Variants in USP25 observed in about 807,000 individuals in gnomAD.
USP25 encodes ubiquitin carboxyl-terminal hydrolase 25.
Under a neutral mutation model 158.5 loss-of-function variants are expected in USP25, and 85 were observed. That is an observed-to-expected ratio of 0.54 (90% CI 0.45 to 0.64). The LOEUF is 0.64. Among genes scored for constraint, USP25 ranks in the 30% least tolerant of loss-of-function variants. The pLI is 0.00. For synonymous variants in USP25, 464 were observed against 460.4 expected (o/e 1.01, Z -0.10); for missense variants, 1,242 against 1,327.3 (o/e 0.94, Z 1.00).
chr21:15,752,320 A>G lies in USP25; in HGVS notation c.46-10571A>G, dbSNP rs547722164. On this transcript the variant is annotated intron_variant, in intron 1 of 25. Coordinates refer to ENST00000400183, the MANE Select transcript of USP25 (RefSeq NM_001283041.3). The stretch of plus-strand genomic sequence containing the variant: ...AACCTCCACCTCCCGGGTTCAAGCA[A>G]TTCTCCTGCCTCAGCCTCCTGAGTA... Among the ~76,000 whole-genome samples, 6 of 151,814 alleles carry G rather than the reference A, an allele frequency of 4.0e-5. No individual in the cohort carries two copies. In the South Asian group the frequency reaches 1.0e-3, roughly 26 times the overall value.
At chr21:15,758,648 C>T (rs1226529606) in intron 1 of USP25, among the ~76,000 whole-genome samples, 1 of 152,034 alleles carries the variant, frequency 6.6e-6, no homozygotes, top group East Asian at 1.9e-4. Flanking sequence ...ATACCTGGGA[C>T]TGGGTAATTT....
At chr21:15,866,449 G>A (rs1017780324) in intron 22 of USP25, 105 bp downstream of exon 22, 27 of 754,354 alleles carry the variant, frequency 3.6e-5, no homozygotes, top group Admixed American at 6.6e-5. Flanking sequence ...TATGAATGAT[G>A]AGTAAAAAAA....
At chr21:15,867,488 A>G (rs145581624) in intron 22 of USP25, among the ~76,000 whole-genome samples, 4 of 152,254 alleles carry the variant, frequency 2.6e-5, no homozygotes, top group African/African-American at 9.6e-5. Context: ...TGCAGCAAAT[A>G]TATAGAATTG....
In USP25 at chr21:15,762,166, G is replaced by A. The variant is rs541601947; in HGVS notation, c.46-725G>A. On this transcript the variant is annotated intron_variant, in intron 1 of 25. Transcript: ENST00000400183. ...CAATAGATCCTATTCTATTGACTAGGTTTGCTTTTCCTATCATATCCATTG... is the reference window on the plus strand; with the variant it reads ...CAATAGATCCTATTCTATTGACTAGATTTGCTTTTCCTATCATATCCATTG... Among the ~76,000 whole-genome samples the A allele has an allele frequency of 1.4e-4, 18 of 125,010 alleles. No homozygotes were observed. In the South Asian group the frequency reaches 4.3e-3, roughly 30 times the overall value. The allele number at this position is 125,010 out of a possible 152,430, so 82.0% of individuals were successfully genotyped here.
intron 2 of USP25, among the ~76,000 whole-genome samples, chr21:15,764,856 T>C (rs560570427): frequency 6.6e-6 from 1 of 152,246 alleles, no homozygotes; most frequent in East Asian, 1.9e-4. Flanking sequence ...TTACTCCTTT[T>C]GTCACTGACT....
In USP25 at chr21:15,770,576, C is replaced by T. The variant is rs187267283; in HGVS notation, c.268+4435C>T. On this transcript the variant is annotated intron_variant, in intron 3 of 25. Transcript: ENST00000400183. ...ACTACTTACTCATTTTCCTTGCTTACCACTGCTGCCACTGTGATTTTAGCA... is the reference window on the plus strand; with the variant it reads ...ACTACTTACTCATTTTCCTTGCTTATCACTGCTGCCACTGTGATTTTAGCA... Among the ~76,000 whole-genome samples the T allele has an allele frequency of 1.8e-3, 269 of 152,260 alleles. 1 individual carries two copies. Among genetic ancestry groups the T allele is most frequent in the African/African-American group, 5.7e-3 (238 of 41,564 alleles).
chr21:15,766,129 C>A lies in USP25; in HGVS notation c.256C>A (p.Gln86Lys). The change falls in exon 3 of 26, where the codon CAA becomes AAA. Residue 86 changes from glutamine (Q) to lysine (K), a missense_variant. By Grantham distance (53) the Gln-to-Lys change is moderately conservative. This residue lies in a region of USP25 where 627 missense variants were observed against 701.4 expected (regional missense o/e 0.89). Coordinates refer to ENST00000400183, the MANE Select transcript of USP25 (RefSeq NM_001283041.3). The surrounding 1 kb of genome is among the most constrained non-coding windows in gnomAD (Gnocchi z 4.0). ...TGATAGATACATCAGTGTGGGAAGCCAAGCAGATACAAGTAAGTTTTCTTT... is the reference window on the plus strand; with the variant it reads ...TGATAGATACATCAGTGTGGGAAGCAAAGCAGATACAAGTAAGTTTTCTTT... Reference protein sequence around the residue: ...GNDRYISVGSQADTNVIDLTG... With the variant: ...GNDRYISVGSKADTNVIDLTG... 1 of 1,588,560 alleles carries A rather than the reference C, an allele frequency of 6.3e-7. No homozygotes were observed. The highest frequency in any genetic ancestry group is 1.2e-5 in the South Asian group (1 of 86,354).
At chr21:15,830,145 T>C (rs1396681042) in intron 14 of USP25, among the ~76,000 whole-genome samples, 1 of 152,174 alleles carries the variant, frequency 6.6e-6, no homozygotes, top group Non-Finnish European at 1.5e-5. Flanking sequence ...TTTATTCAGT[T>C]ATGTGTGTGT....
chr21:15,817,879 C>G (rs931514744), intron 9 of USP25, among the ~76,000 whole-genome samples: 1 of 152,054 alleles, frequency 6.6e-6, no homozygotes, highest in African/African-American at 2.4e-5. Flanking sequence ...GGGACACAGC[C>G]AAACCGTATC....
Position 15,750,322 on chromosome 21 carries a change from C to G in USP25, c.46-12569C>G, listed in dbSNP as rs566966740. 8.0e-5 allele frequency among the ~76,000 whole-genome samples: 12 copies of G among 150,638 alleles called. No individual in the cohort carries two copies. The South Asian group carries it at 2.5e-3, about 32-fold the overall frequency. Reference sequence around the variant, plus strand: ...TCTTGGTTCACTGCAACCTCCGTCTCCCTGGTTCAAGCAATTCTTCTGTCA... The same window carrying G: ...TCTTGGTTCACTGCAACCTCCGTCTGCCTGGTTCAAGCAATTCTTCTGTCA... On this transcript the variant is annotated intron_variant, in intron 1 of 25. Coordinates refer to ENST00000400183, the MANE Select transcript of USP25 (RefSeq NM_001283041.3).
rs2040192902 is a variant in USP25, at chr21:15,878,663, C to T, written c.*188C>T. On this transcript the variant is annotated 3_prime_UTR_variant, in exon 26 of 26. Transcript: ENST00000400183. ...CAATAAAGCTGAAAATCGCATGGCG[C>T]TCAGACATTTTAACCGGAACTGATG... is the stretch of plus-strand genomic sequence containing the variant. The T allele has an allele frequency of 4.0e-6, 2 of 497,026 alleles. No homozygotes were observed. Among genetic ancestry groups the T allele is most frequent in the South Asian group, 5.8e-5 (1 of 17,180 alleles). 30.8% of individuals were successfully genotyped at this position (497,026 alleles called of 1,614,324 possible). A position where few individuals can be genotyped will look rare whatever the true frequency, so the allele number is the denominator to read the frequency against.
chr21:15,800,224 C>A (rs80178255), intron 6 of USP25, among the ~76,000 whole-genome samples: 11,471 of 151,008 alleles, frequency 0.076, 497 homozygotes, highest in East Asian at 0.092. Flanking sequence ...TTAAAAAATG[C>A]GTTTTGCATT....
intron 3 of USP25, among the ~76,000 whole-genome samples, chr21:15,770,285 A>G (rs2034280686): frequency 6.6e-6 from 1 of 152,146 alleles, no homozygotes; most frequent in Admixed American, 6.5e-5. Flanking sequence ...GATGAAGCCT[A>G]AAAACTGAGA....
chr21:15,764,615 G>C (rs990423952), intron 2 of USP25, among the ~76,000 whole-genome samples: 17 of 152,016 alleles, frequency 1.1e-4, no homozygotes, highest in Non-Finnish European at 5.9e-5. Flanking sequence ...AATTCCTGCT[G>C]TGTTGTTTTA....
chr21:15,800,515 CAGTT>C (rs2146252899), intron 6 of USP25, among the ~76,000 whole-genome samples: 2 of 147,408 alleles, frequency 1.4e-5, no homozygotes, highest in Non-Finnish European at 3.0e-5. Flanking sequence ...CAGCTATTGT[CAGTT>C]AAACAATAAA....
intron 20 of USP25, among the ~76,000 whole-genome samples, chr21:15,851,484 A>G (rs1003404712): frequency 2.8e-4 from 42 of 149,778 alleles, no homozygotes; most frequent in African/African-American, 9.9e-4. Flanking sequence ...ACACTGAGAG[A>G]CACAGCTCCT....
intron 2 of USP25, 97 bp downstream of exon 2, chr21:15,763,065 G>C (rs2033829559): frequency 8.8e-7 from 1 of 1,133,124 alleles, no homozygotes; most frequent in Admixed American, 2.7e-5. Flanking sequence ...GGTATACCAT[G>C]TGGTAGTTTT....
chr21:15,853,618 T>G (rs1208757029), intron 20 of USP25, among the ~76,000 whole-genome samples: 2 of 152,238 alleles, frequency 1.3e-5, no homozygotes, highest in Non-Finnish European at 2.9e-5. Context: ...AATACTTTTC[T>G]TAGTAAATTT....
chr21:15,830,896 T>G (rs993702584), intron 15 of USP25, among the ~76,000 whole-genome samples: 6 of 152,128 alleles, frequency 3.9e-5, no homozygotes, highest in African/African-American at 1.4e-4. Context: ...CTACCAAAGT[T>G]TTTCAAAAGG....
Sources: allele counts gnomAD v4.1 joint callset (sites outside exome capture counted in the v4.1 genomes callset), GRCh38; gene constraint gnomAD v4.1.1; regional missense constraint gnomAD v4.1.1; non-coding constraint Gnocchi (gnomAD v3.1); transcripts MANE v1.5; gene names NCBI Gene and HGNC (gene_info 2026-07-23, HGNC 2026-07-21).